GABPB2: variants seen among roughly 807,000 people sequenced by gnomAD.
GABPB2 encodes the protein GA-binding protein subunit beta-2.
A neutral mutation model predicts 39.1 loss-of-function variants in GABPB2; 23 were observed. The ratio of observed to expected loss-of-function variants is 0.59; its 90% CI spans 0.42 to 0.83. GABPB2 has a LOEUF of 0.83. Among genes scored for constraint, GABPB2 ranks in the 40% least tolerant of loss-of-function variants. The pLI, the probability that GABPB2 is intolerant of heterozygous loss-of-function variation, is 0.00. For synonymous variants in GABPB2, 184 were observed against 199.3 expected (o/e 0.92, Z 0.65); for missense variants, 467 against 541.1 (o/e 0.86, Z 1.36).
At chr1:151,114,615 T>G (rs1158147349) in intron 7 of GABPB2, among the ~76,000 whole-genome samples, 1 of 151,912 alleles carries the variant, frequency 6.6e-6, no homozygotes, top group Non-Finnish European at 1.5e-5. Flanking sequence ...GGAGAATCTC[T>G]TGAACCCAGG....
chr1:151,072,708 G>A (rs1325270369), intron 1 of GABPB2, among the ~76,000 whole-genome samples: 3 of 152,140 alleles, frequency 2.0e-5, no homozygotes, highest in Non-Finnish European at 4.4e-5. Flanking sequence ...TTAGCCGGGC[G>A]TGGTGGCACA....
chr1:151,100,379 G>C (rs1410143890), intron 5 of GABPB2, among the ~76,000 whole-genome samples: 2 of 150,988 alleles, frequency 1.3e-5, no homozygotes, highest in Admixed American at 1.3e-4. Context: ...TCCTGAGCTT[G>C]TGATCCACTC....
rs978272029 is a variant in GABPB2, at chr1:151,103,688, T to G, written c.736+13T>G. The G allele has an allele frequency of 6.5e-7, 1 of 1,542,498 alleles. No homozygotes were observed. Among genetic ancestry groups the G allele is most frequent in the African/African-American group, 1.4e-5 (1 of 73,470 alleles). Reference sequence around the variant, plus strand: ...CACAGAGCCACAGGTAGGTAAGGGATATGCTGCTGGGTGAATCACCACTTT... The same window carrying G: ...CACAGAGCCACAGGTAGGTAAGGGAGATGCTGCTGGGTGAATCACCACTTT... On this transcript the variant is annotated intron_variant, in intron 6 of 8. Transcript: ENST00000368918.
intron 6 of GABPB2, among the ~76,000 whole-genome samples, chr1:151,104,796 T>TCTTC (rs1679813713): frequency 1.9e-5 from 1 of 53,880 alleles, no homozygotes; most frequent in Non-Finnish European, 4.3e-5. Flanking sequence ...TTTCTTTCTT[T>TCTTC]CTTTCTTTTC....
At chr1:151,100,800 C>T (rs1010172988) in intron 5 of GABPB2, among the ~76,000 whole-genome samples, 1 of 151,438 alleles carries the variant, frequency 6.6e-6, no homozygotes, top group Non-Finnish European at 1.5e-5. Context: ...GTTGGCCAGG[C>T]TGGTTTCAAA....
At chr1:151,113,086 T>C (rs955221862) in intron 7 of GABPB2, among the ~76,000 whole-genome samples, 16 of 151,956 alleles carry the variant, frequency 1.1e-4, no homozygotes, top group Admixed American at 7.2e-4. Flanking sequence ...CCTCAATTTT[T>C]TTTTTTAATA....
chr1:151,078,228 C>A (rs2102996752), intron 1 of GABPB2, among the ~76,000 whole-genome samples: 2 of 151,268 alleles, frequency 1.3e-5, no homozygotes, highest in Middle Eastern at 6.8e-3. Context: ...CGAGATCACA[C>A]CACTGCACTC....
chr1:151,079,759 G>A (rs2102999035), intron 1 of GABPB2, among the ~76,000 whole-genome samples: 1 of 151,874 alleles, frequency 6.6e-6, no homozygotes, highest in Admixed American at 6.6e-5. Context: ...AGCTGGGCAT[G>A]GTGACACATG....
At chr1:151,109,299 TA>T (rs1462083050) in intron 7 of GABPB2, among the ~76,000 whole-genome samples, 14 of 1,982 alleles carry the variant, frequency 7.1e-3, no homozygotes, top group Non-Finnish European at 0.023. Context: ...TGTGGGGATT[TA>T]TATATATATA....
At chr1:151,089,075 A>C (rs1678454982) in intron 2 of GABPB2, among the ~76,000 whole-genome samples, 1 of 152,208 alleles carries the variant, frequency 6.6e-6, no homozygotes, top group Admixed American at 6.6e-5. Context: ...ATTTAGCCTC[A>C]ACCATCTTGG....
intron 3 of GABPB2, 21 bp downstream of exon 3, chr1:151,090,594 A>G (rs1320983632): frequency 6.2e-7 from 1 of 1,611,368 alleles, no homozygotes; most frequent in Non-Finnish European, 8.5e-7. Flanking sequence ...AATAGGGGCA[A>G]GGTTATGTTG....
At chr1:151,083,304 G>A (rs1677879330) in intron 1 of GABPB2, among the ~76,000 whole-genome samples, 1 of 152,144 alleles carries the variant, frequency 6.6e-6, no homozygotes, top group Non-Finnish European at 1.5e-5. Context: ...ATTTTTGCTT[G>A]AAAGCTCAAA....
chr1:151,091,424 G>T (rs1349406747), intron 3 of GABPB2, among the ~76,000 whole-genome samples: 30 of 103,340 alleles, frequency 2.9e-4, no homozygotes, highest in African/African-American at 1.0e-3. Flanking sequence ...TTTTTTTTGA[G>T]ATGAACTCTC....
intron 3 of GABPB2, 59 bp downstream of exon 3, chr1:151,090,632 C>T: frequency 2.0e-6 from 3 of 1,532,182 alleles, no homozygotes; most frequent in Non-Finnish European, 2.7e-6. Flanking sequence ...TTCCTGTTTT[C>T]TTACTTAAAT....
At chr1:151,096,399 A>G (rs1679099018) in intron 4 of GABPB2, among the ~76,000 whole-genome samples, 1 of 152,110 alleles carries the variant, frequency 6.6e-6, no homozygotes, top group African/African-American at 2.4e-5. Flanking sequence ...TGGGCGACAG[A>G]GTGGGACTCC....
intron 5 of GABPB2, among the ~76,000 whole-genome samples, chr1:151,102,889 C>T (rs1254650554): frequency 6.6e-5 from 10 of 152,052 alleles, no homozygotes; most frequent in Non-Finnish European, 1.5e-4. Context: ...GTGAGGTATG[C>T]ATTTTACACT....
intron 1 of GABPB2, among the ~76,000 whole-genome samples, chr1:151,072,497 CGT>C (rs1485013697): frequency 1.3e-5 from 2 of 151,792 alleles, no homozygotes; most frequent in Admixed American, 6.6e-5. Context: ...TGCAGTGAGC[CGT>C]GATTGCACCA....
chr1:151,095,803 G>A (rs1347389546), intron 4 of GABPB2, among the ~76,000 whole-genome samples: 4 of 152,144 alleles, frequency 2.6e-5, no homozygotes, highest in Non-Finnish European at 4.4e-5. Flanking sequence ...GGAGGCCGAG[G>A]TGGGTGAATC....
chr1:151,090,096 C>G (rs1221255181), intron 2 of GABPB2, among the ~76,000 whole-genome samples: 1 of 152,006 alleles, frequency 6.6e-6, no homozygotes, highest in Admixed American at 6.6e-5. Flanking sequence ...CCCACCACCA[C>G]GCCTGGCTAA....
Sources: gnomAD v4.1 joint callset for allele counts (sites outside exome capture counted in the v4.1 genomes callset) on GRCh38, gnomAD v4.1.1 for gene constraint, MANE v1.5 for transcripts, NCBI Gene and HGNC (gene_info 2026-07-23, HGNC 2026-07-21) for gene names.